The following ELL2 variants were observed in gnomAD, a reference collection of about 807,000 sequenced individuals.
ELL2 encodes the protein RNA polymerase II elongation factor ELL2.
A neutral mutation model predicts 72.8 loss-of-function variants in ELL2; 21 were observed. That is an observed-to-expected ratio of 0.29 (90% CI 0.20 to 0.42). The LOEUF (loss-of-function observed/expected upper bound fraction) is 0.42. Among genes scored for constraint, ELL2 ranks in the 10% least tolerant of loss-of-function variants. The pLI, the probability that ELL2 is intolerant of heterozygous loss-of-function variation, is 1.00. For synonymous variants in ELL2, 266 were observed against 283.2 expected, an observed-to-expected ratio of 0.94 and a Z score of 0.61; for missense variants, 568 against 772.8, an observed-to-expected ratio of 0.73 and a Z score of 3.14.
At chr5:95,920,341 C>T (rs547083596) in intron 2 of ELL2, among the ~76,000 whole-genome samples, 16 of 150,106 alleles carry the variant, frequency 1.1e-4, no homozygotes, top group African/African-American at 3.2e-4. Context: ...GACGGAGTCT[C>T]GCTCTGTTGC....
At chr5:95,903,983 A>G (rs1343251714) in intron 5 of ELL2, among the ~76,000 whole-genome samples, 1 of 152,182 alleles carries the variant, frequency 6.6e-6, no homozygotes, top group African/African-American at 2.4e-5. Flanking sequence ...AACCGTTAGC[A>G]AGTCTTATCA....
intron 9 of ELL2, among the ~76,000 whole-genome samples, chr5:95,893,599 A>G (rs1231152859): frequency 2.0e-5 from 3 of 152,030 alleles, no homozygotes; most frequent in Non-Finnish European, 4.4e-5. Context: ...GTTAGCCAGG[A>G]TGGTCTCGAT....
At chr5:95,937,511 A>T (rs2112341115) in intron 2 of ELL2, among the ~76,000 whole-genome samples, 1 of 152,122 alleles carries the variant, frequency 6.6e-6, no homozygotes, top group East Asian at 1.9e-4. Flanking sequence ...CTCAAAAAAA[A>T]AAAAAGTGTG....
chr5:95,902,325 C>G (rs1431244836), intron 5 of ELL2, among the ~76,000 whole-genome samples: 1 of 152,182 alleles, frequency 6.6e-6, no homozygotes, highest in Non-Finnish European at 1.5e-5. Context: ...ATTCCCCAAA[C>G]CAATAAATGA....
rs1750295504 is a variant in ELL2, at chr5:95,926,756, A to G, written c.196-7211T>C. ...AATAATTCCTGAGAACTGCATTCTC[A>G]TCCCTAATGTATTCTTTTAAATTTA... On this transcript the variant is annotated intron_variant, in intron 2 of 11. Coordinates refer to ENST00000237853, the MANE Select transcript of ELL2 (RefSeq NM_012081.6). 2.0e-5 allele frequency among the ~76,000 whole-genome samples: 3 copies of G among 152,204 alleles called. No homozygotes were observed. In the South Asian group the frequency reaches 6.2e-4, roughly 31 times the overall value.
At chr5:95,943,158 T>C (rs1751032576) in intron 1 of ELL2, 109 bp from the exon 2 acceptor site, 5 of 829,868 alleles carry the variant, frequency 6.0e-6, no homozygotes, top group African/African-American at 1.8e-5. Flanking sequence ...CAGTGACTCA[T>C]GACTCTAATC....
At chr5:95,929,011 C>T (rs952303956) in intron 2 of ELL2, among the ~76,000 whole-genome samples, 3 of 152,112 alleles carry the variant, frequency 2.0e-5, no homozygotes, top group African/African-American at 7.2e-5. Context: ...TACTCTGTGT[C>T]CCCACTTCTT....
chr5:95,924,686 A>T (rs1343984112), intron 2 of ELL2, among the ~76,000 whole-genome samples: 1 of 152,196 alleles, frequency 6.6e-6, no homozygotes, highest in Admixed American at 6.5e-5. Flanking sequence ...AAAATGAGAG[A>T]CTGAAAATCA....
chr5:95,950,119 CT>C (rs2112355837), intron 1 of ELL2, among the ~76,000 whole-genome samples: 1 of 152,282 alleles, frequency 6.6e-6, no homozygotes, highest in East Asian at 1.9e-4. Context: ...TGGTTTTGCA[CT>C]ATGGCAGAAG....
chr5:95,919,730 A>G (rs1457026391), intron 2 of ELL2, among the ~76,000 whole-genome samples, 185 bp from the exon 3 acceptor site: 1 of 152,266 alleles, frequency 6.6e-6, no homozygotes, highest in Non-Finnish European at 1.5e-5. Flanking sequence ...CCTATAACTT[A>G]CCAGATTCTT....
intron 9 of ELL2, among the ~76,000 whole-genome samples, chr5:95,893,724 T>C (rs1257880885): frequency 6.6e-6 from 1 of 152,226 alleles, no homozygotes; most frequent in Non-Finnish European, 1.5e-5. Flanking sequence ...TTTAGTTTTC[T>C]TATGAGGCAA....
intron 2 of ELL2, among the ~76,000 whole-genome samples, chr5:95,926,809 C>T (rs11738945): frequency 0.16 from 24,787 of 152,002 alleles, 2,411 homozygotes; most frequent in East Asian, 0.34. Context: ...ATATCATCGA[C>T]GGCAACATTT....
At chr5:95,901,255 ATTAAAGCT>A in intron 5 of ELL2, 175 bp from the exon 6 acceptor site, 1 of 579,052 alleles carries the variant, frequency 1.7e-6, no homozygotes, top group Non-Finnish European at 2.7e-6. Flanking sequence ...CATTTTGGGA[ATTAAAGCT>A]TTATATACAC....
At chr5:95,924,165 T>A (rs755861351) in intron 2 of ELL2, among the ~76,000 whole-genome samples, 2 of 152,230 alleles carry the variant, frequency 1.3e-5, no homozygotes, top group Non-Finnish European at 2.9e-5. Flanking sequence ...AGGCAGAGTT[T>A]CAGAGGAACC....
chr5:95,936,875 G>A (rs557062586), intron 2 of ELL2, among the ~76,000 whole-genome samples: 1 of 152,054 alleles, frequency 6.6e-6, no homozygotes, highest in Admixed American at 6.5e-5. Context: ...GTTTTTGGTG[G>A]GAAACAAAAA....
At chr5:95,915,511 CATGCCTAGCAA>C (rs1159452277) in intron 3 of ELL2, among the ~76,000 whole-genome samples, 1 of 152,242 alleles carries the variant, frequency 6.6e-6, no homozygotes, top group East Asian at 1.9e-4. Context: ...GCAGGGACTG[CATGCCTAGCAA>C]TGTGTGAAGC....
chr5:95,936,828 C>T (rs924955892), intron 2 of ELL2, among the ~76,000 whole-genome samples: 1 of 152,130 alleles, frequency 6.6e-6, no homozygotes, highest in African/African-American at 2.4e-5. Context: ...TAAAGTGATA[C>T]TGCCTGCAAC....
At chr5:95,960,186 C>T (rs185105098) in intron 1 of ELL2, among the ~76,000 whole-genome samples, 2 of 152,044 alleles carry the variant, frequency 1.3e-5, no homozygotes, top group East Asian at 3.9e-4. Context: ...GTCTGTTGTA[C>T]GAGACCGGTT....
At position 95,885,332 on chromosome 5, in the gene ELL2, C is replaced by A. The variant is rs1225169027; in HGVS notation, c.*3539G>T. The A allele has an allele frequency of 6.6e-6, 1 of 152,232 alleles. No homozygotes were observed. Among genetic ancestry groups the A allele is most frequent in the Non-Finnish European group, 1.5e-5 (1 of 68,042 alleles). 9.4% of individuals were successfully genotyped at this position (152,232 alleles called of 1,614,324 possible). ...AGATTACAAATAACATTGATAGCAT[C>A]TCCTGTGGCCTTCAGTTAGTAGTGC... On this transcript the variant is annotated 3_prime_UTR_variant, in exon 12 of 12. Coordinates refer to ENST00000237853, the MANE Select transcript of ELL2 (RefSeq NM_012081.6).
Sources: gnomAD v4.1 joint callset for allele counts (sites outside exome capture counted in the v4.1 genomes callset) on GRCh38, gnomAD v4.1.1 for gene constraint, MANE v1.5 for transcripts, NCBI Gene and HGNC (gene_info 2026-07-23, HGNC 2026-07-21) for gene names.